HSD17B14: variants seen among roughly 807,000 people sequenced by gnomAD.
The protein encoded by HSD17B14 is L-fucose dehydrogenase.
Under a neutral mutation model 32.2 loss-of-function variants are expected in HSD17B14, and 32 were observed. The observed-to-expected ratio is 0.99, with a 90% confidence interval of 0.75 to 1.33. HSD17B14 has a LOEUF of 1.33. HSD17B14 is among the 40% of genes most tolerant of loss of function. HSD17B14 has a pLI of 0.00. For synonymous variants in HSD17B14, 140 were observed against 155.4 expected (o/e 0.90, Z 0.74); for missense variants, 370 against 366.5 (o/e 1.01, Z -0.08).
In HSD17B14 at chr19:48,829,844, TG is replaced by T. The variant is rs550882142; in HGVS notation, c.369+1823del. ...TTTTAATAGAGATGGGGTTTCTCCA[TG>T]TTGGTCAGGCTGGTCTCAAACTCCC... On this transcript the variant is annotated intron_variant, in intron 5 of 8. Transcript: ENST00000263278. 3.9e-5 allele frequency among the ~76,000 whole-genome samples: 6 copies of T among 151,974 alleles called. No individual in the cohort carries two copies. In the South Asian group the frequency reaches 1.2e-3, roughly 32 times the overall value.
intron 5 of HSD17B14, among the ~76,000 whole-genome samples, chr19:48,826,140 G>C (rs1445680110): frequency 6.6e-6 from 1 of 151,980 alleles, no homozygotes; most frequent in East Asian, 1.9e-4. Flanking sequence ...AACTTTCTAA[G>C]AGAAACAAGA....
chr19:48,815,348 C>A (rs964416942), intron 5 of HSD17B14, among the ~76,000 whole-genome samples: 1 of 152,090 alleles, frequency 6.6e-6, no homozygotes, highest in African/African-American at 2.4e-5. Context: ...CTCAAGGAGT[C>A]TCTCCTTGGT....
rs759054086 is a variant in HSD17B14, at chr19:48,834,336, C to T, written c.150G>A (p.Glu50=). The change falls in exon 3 of 9, where the codon GAG becomes GAA. Residue 50 remains glutamate (E), a synonymous_variant. Transcript: ENST00000263278. ...TAAAGACAGCTCCAGGGAGCTCCTG[C>T]TCCAGGGCCCGGCCCCCAGACTCTG... ...DKDESGGRAL[E]QELPGAVFIL... 1.5e-5 allele frequency: 25 copies of T among 1,613,700 alleles called. No individual in the cohort carries two copies. The East Asian group carries it at 1.8e-4, about 12-fold the overall frequency.
chr19:48,813,618 C>T (rs750438757), intron 7 of HSD17B14, 45 bp downstream of exon 7: 19 of 1,611,764 alleles, frequency 1.2e-5, no homozygotes, highest in Non-Finnish European at 1.5e-5. Context: ...CTCCCAGTCA[C>T]CCCAGTCCCC....
intron 5 of HSD17B14, among the ~76,000 whole-genome samples, chr19:48,815,363 A>C (rs2035034287): frequency 6.6e-6 from 1 of 152,088 alleles, no homozygotes; most frequent in Non-Finnish European, 1.5e-5. Context: ...CTTGGTGGGA[A>C]GGGATTTCTC....
chr19:48,836,194 C>T (rs972037970), intron 1 of HSD17B14, 130 bp downstream of exon 1: 13 of 967,264 alleles, frequency 1.3e-5, no homozygotes, highest in Middle Eastern at 2.2e-4. Context: ...TTACTTTAGC[C>T]TGCAAATTGG....
chr19:48,835,228 A>G (rs1198188201), intron 2 of HSD17B14, among the ~76,000 whole-genome samples: 22 of 5,536 alleles, frequency 4.0e-3, no homozygotes, highest in Admixed American at 0.014. Flanking sequence ...AGGTGCTGGG[A>G]GCCTGGACTC....
rs74174262 is a variant in HSD17B14 at position 48,826,546 on chromosome 19, C to G, written c.369+5122G>C. Among the ~76,000 whole-genome samples the G allele has an allele frequency of 1.4e-4, 7 of 51,562 alleles. 1 individual carries two copies. The highest frequency in any genetic ancestry group is 3.3e-4 in the African/African-American group (5 of 15,174). The allele number at this position is 51,562 out of a possible 152,430, so 33.8% of individuals were successfully genotyped here. ...AGAAGAAAATATATATATATATACACACACACACACACACACACACACACA... is the reference window on the plus strand; with the variant it reads ...AGAAGAAAATATATATATATATACAGACACACACACACACACACACACACA... On this transcript the variant is annotated intron_variant, in intron 5 of 8. Coordinates refer to ENST00000263278, the MANE Select transcript of HSD17B14 (RefSeq NM_016246.3).
intron 5 of HSD17B14, among the ~76,000 whole-genome samples, chr19:48,818,325 GAAAAAA>G (rs1262828567): frequency 3.5e-5 from 3 of 86,054 alleles, no homozygotes; most frequent in Admixed American, 1.3e-4. Context: ...AAAGAAAAAA[GAAAAAA>G]GAAAAAGAGA....
intron 5 of HSD17B14, among the ~76,000 whole-genome samples, chr19:48,829,471 C>T (rs2035301284): frequency 6.6e-6 from 1 of 151,802 alleles, no homozygotes; most frequent in Admixed American, 6.6e-5. Flanking sequence ...ACCGCCTCAG[C>T]CTCTTGAGTA....
At chr19:48,828,415 C>T (rs982948620) in intron 5 of HSD17B14, among the ~76,000 whole-genome samples, 3 of 151,492 alleles carry the variant, frequency 2.0e-5, no homozygotes, top group Admixed American at 6.6e-5. Context: ...GCAAGGAGTT[C>T]GAGACCAGCC....
chr19:48,819,057 C>T (rs2035103335), intron 5 of HSD17B14, among the ~76,000 whole-genome samples: 1 of 152,130 alleles, frequency 6.6e-6, no homozygotes, highest in Non-Finnish European at 1.5e-5. Context: ...GGCACGATCT[C>T]GGCTCACTGC....
intron 4 of HSD17B14, among the ~76,000 whole-genome samples, chr19:48,832,460 TG>T (rs1487297241): frequency 6.6e-6 from 1 of 151,962 alleles, no homozygotes; most frequent in African/African-American, 2.4e-5. Context: ...GGCACAGCCC[TG>T]GGGACACACA....
chr19:48,831,144 T>C (rs1299102355), intron 5 of HSD17B14, among the ~76,000 whole-genome samples: 2 of 152,086 alleles, frequency 1.3e-5, no homozygotes, highest in Non-Finnish European at 2.9e-5. Context: ...CCCAATATGT[T>C]CTTAACATCC....
chr19:48,815,373 C>A (rs955963532), intron 5 of HSD17B14, among the ~76,000 whole-genome samples: 1 of 152,136 alleles, frequency 6.6e-6, no homozygotes, highest in African/African-American at 2.4e-5. Flanking sequence ...AGGGATTTCT[C>A]TCTCTTCTCC....
intron 5 of HSD17B14, among the ~76,000 whole-genome samples, chr19:48,822,302 ATGG>A: frequency 6.7e-6 from 1 of 148,446 alleles, no homozygotes; most frequent in South Asian, 2.2e-4. Flanking sequence ...GATGGTGGTG[ATGG>A]TGATGATTGT....
At chr19:48,831,604 T>G (rs548408823) in intron 5 of HSD17B14, 64 bp downstream of exon 5, 1 of 1,086,068 alleles carries the variant, frequency 9.2e-7, no homozygotes, top group African/African-American at 1.5e-5. Flanking sequence ...TTAGACAAAA[T>G]GCATCACACA....
intron 5 of HSD17B14, among the ~76,000 whole-genome samples, chr19:48,825,844 G>A (rs1350825986): frequency 1.3e-5 from 2 of 151,800 alleles, no homozygotes; most frequent in African/African-American, 4.8e-5. Flanking sequence ...ATTTTGAGAT[G>A]GAGTCTTGCT....
At position 48,832,559 on chromosome 19, in the gene HSD17B14, A is replaced by T. The variant is rs1024720325; in HGVS notation, c.277+107T>A. ...CCTGTCCAAGTGGCTAGAAAGAGGT[A>T]TGAGGCAGGATGAGGGAATCAGGGG... On this transcript the variant is annotated intron_variant, in intron 4 of 8. Transcript: ENST00000263278. 3.1e-6 allele frequency: 3 copies of T among 960,216 alleles called. No individual in the cohort carries two copies. In the South Asian group the frequency reaches 4.1e-5, roughly 13 times the overall value. 59.5% of individuals were successfully genotyped at this position (960,216 alleles called of 1,614,324 possible).
Sources: allele counts gnomAD v4.1 joint callset (sites outside exome capture counted in the v4.1 genomes callset), GRCh38; gene constraint gnomAD v4.1.1; transcripts MANE v1.5; gene names NCBI Gene and HGNC (gene_info 2026-07-23, HGNC 2026-07-21).